Variants in NRM observed in about 807,000 individuals in gnomAD.
NRM encodes the protein nuclear rim protein.
NRM carries 19 observed loss-of-function variants against 23.4 expected under a neutral mutation model. That is an observed-to-expected ratio of 0.81 (90% confidence interval 0.57 to 1.19). The LOEUF (loss-of-function observed/expected upper bound fraction) is 1.19. Ranked by LOEUF, NRM falls within the 50% of genes most tolerant of loss-of-function variation. The pLI is 0.00. For synonymous variants in NRM, 140 were observed against 143.5 expected (o/e 0.98, Z 0.17); for missense variants, 232 against 329.7 (o/e 0.70, Z 2.30).
rs934067901 is a variant in NRM, at chr6:30,689,100, T to G, written c.508-158A>C. Among the ~76,000 whole-genome samples, 2 of 152,148 alleles carry G rather than the reference T, an allele frequency of 1.3e-5. No individual in the cohort carries two copies. Among genetic ancestry groups the G allele is most frequent in the Admixed American group, 1.3e-4 (2 of 15,268 alleles). On this transcript the variant is annotated intron_variant, in intron 3 of 3. Coordinates refer to ENST00000376421, the MANE Select transcript of NRM (RefSeq NM_001384369.1). The surrounding 1 kb of genome is among the most constrained non-coding windows in gnomAD (Gnocchi z 4.7). Reference sequence around the variant, plus strand: ...GATCCTGACTTCTGATCCATGTACCTTCCCCAGGCCCAGGAGGCCCATGCT... The same window carrying G: ...GATCCTGACTTCTGATCCATGTACCGTCCCCAGGCCCAGGAGGCCCATGCT...
chr6:30,689,924 T>A lies in NRM; in HGVS notation c.330+123A>T, dbSNP rs1771414876. ...GTGGAGGAATGGAAGCTGAGATTAGTTCCTCAATTCTCCTCCTGAACCCAT... is the reference window on the plus strand; with the variant it reads ...GTGGAGGAATGGAAGCTGAGATTAGATCCTCAATTCTCCTCCTGAACCCAT... On this transcript the variant is annotated intron_variant, in intron 2 of 3. Transcript: ENST00000376421. This position sits in a 1 kb window ranked among gnomAD's most constrained non-coding sequence, Gnocchi z 4.7. 2.3e-6 allele frequency: 2 copies of A among 871,492 alleles called. No individual in the cohort carries two copies. Among genetic ancestry groups the A allele is most frequent in the Admixed American group, 3.0e-5 (1 of 33,586 alleles). 54.0% of individuals were successfully genotyped at this position (871,492 alleles called of 1,614,324 possible).
chr6:30,689,151 AG>A lies in NRM; in HGVS notation c.507+124del. ...TGCTGCCCTTACGAGGGAAAGTCAA[AG>A]GGAAGGGCCACGAGGGAGAAGCAGG... On this transcript the variant is annotated intron_variant, in intron 3 of 3. Transcript: ENST00000376421. The surrounding 1 kb of genome is among the most constrained non-coding windows in gnomAD (Gnocchi z 4.7). 1.7e-6 allele frequency: 2 copies of A among 1,150,014 alleles called. No homozygotes were observed. The highest frequency in any genetic ancestry group is 5.5e-5 in the Admixed American group (2 of 36,366). 71.2% of individuals were successfully genotyped at this position (1,150,014 alleles called of 1,614,324 possible). A position where few individuals can be genotyped will look rare whatever the true frequency, so the allele number is the denominator to read the frequency against.
In NRM at chr6:30,690,071, C is replaced by T. The variant is rs762491263; in HGVS notation, c.306G>A (p.Val102=). 2 of 1,612,102 alleles carry T rather than the reference C, an allele frequency of 1.2e-6. No homozygotes were observed. The change falls in exon 2 of 4, where the codon GTG becomes GTA. Residue 102 remains valine, a synonymous_variant. Coordinates refer to ENST00000376421, the MANE Select transcript of NRM (RefSeq NM_001384369.1). This position sits in a 1 kb window ranked among gnomAD's most constrained non-coding sequence, Gnocchi z 5.5. ...CCTGCAAGGCCAGGGCAGTGCAGGC[C>T]ACATACAGTGACCTCTGAAGGACCC... is the stretch of plus-strand genomic sequence containing the variant. ...YFGVLQRSLY[V]ACTALALQLV... is the part of the protein sequence containing the mutation.
At position 30,688,543 on chromosome 6, in the gene NRM, G is replaced by A; in HGVS notation, c.*118C>T. On this transcript the variant is annotated 3_prime_UTR_variant, in exon 4 of 4. Transcript: ENST00000376421. This position sits in a 1 kb window ranked among gnomAD's most constrained non-coding sequence, Gnocchi z 5.9. ...GAATAAAGTCTCAAGTAGTAGAAGG[G>A]GCATCTCCTTCAGTCCATGGATTTG... 1.8e-6 allele frequency: 2 copies of A among 1,126,492 alleles called. No homozygotes were observed. The highest frequency in any genetic ancestry group is 2.6e-6 in the Non-Finnish European group (2 of 780,464). The allele number at this position is 1,126,492 out of a possible 1,614,324, so 69.8% of individuals were successfully genotyped here.
upstream of NRM, chr6:30,691,314 T>C: frequency 3.7e-6 from 1 of 272,460 alleles, no homozygotes. Context: ...TACCACAAAA[T>C]AAATTAATGT....
Position 30,688,348 on chromosome 6 carries a change from G to C in NRM, c.*313C>G. Reference sequence around the variant, plus strand: ...GGCAAGTAACAGTGCCAGGGGAGTGGTCAGGGCAGATCCTTTCCTTCTCAG... The same window carrying C: ...GGCAAGTAACAGTGCCAGGGGAGTGCTCAGGGCAGATCCTTTCCTTCTCAG... On this transcript the variant is annotated 3_prime_UTR_variant, in exon 4 of 4. Transcript: ENST00000376421. This position sits in a 1 kb window ranked among gnomAD's most constrained non-coding sequence, Gnocchi z 5.9. 2 of 451,124 alleles carry C rather than the reference G, an allele frequency of 4.4e-6. No homozygotes were observed. The highest frequency in any genetic ancestry group is 8.0e-6 in the Non-Finnish European group (2 of 249,372). The allele number at this position is 451,124 out of a possible 1,614,324, so 27.9% of individuals were successfully genotyped here.
At position 30,689,716 on chromosome 6, in the gene NRM, C is replaced by G. The variant is rs1197499065; in HGVS notation, c.331-264G>C. Among the ~76,000 whole-genome samples, 1 of 152,172 alleles carries G rather than the reference C, an allele frequency of 6.6e-6. No homozygotes were observed. The highest frequency in any genetic ancestry group is 1.5e-5 in the Non-Finnish European group (1 of 68,044). On this transcript the variant is annotated intron_variant, in intron 2 of 3. Transcript: ENST00000376421. This position sits in a 1 kb window ranked among gnomAD's most constrained non-coding sequence, Gnocchi z 4.7. ...ACGCAAAGTAGTAGCCTGTGCCAAC[C>G]ACCCAGTGAAAAGACAGACAAGGCC...
At position 30,688,592 on chromosome 6, in the gene NRM, G is replaced by C; in HGVS notation, c.*69C>G. 1 of 1,549,308 alleles carries C rather than the reference G, an allele frequency of 6.5e-7. No homozygotes were observed. The highest frequency in any genetic ancestry group is 1.9e-4 in the Middle Eastern group (1 of 5,148). On this transcript the variant is annotated 3_prime_UTR_variant, in exon 4 of 4. Coordinates refer to ENST00000376421, the MANE Select transcript of NRM (RefSeq NM_001384369.1). This position sits in a 1 kb window ranked among gnomAD's most constrained non-coding sequence, Gnocchi z 5.9. ...TGGGCCTCTGGCATGAAGCAGCCAG[G>C]GCCTGGATGTTAAGGATTTAGAATT...
In NRM at chr6:30,690,518, TCTTA is replaced by T. The variant is rs932637166; in HGVS notation, c.134-279_134-276del. ...TGGAGAGGCCACGCTGGATTGCCCC[TCTTA>T]CTTCGGTTCTCCAAATGCTCCTTCT... On this transcript the variant is annotated intron_variant, in intron 1 of 3. Transcript: ENST00000376421. The surrounding 1 kb of genome is among the most constrained non-coding windows in gnomAD (Gnocchi z 5.5). The T allele has an allele frequency of 6.7e-5, 103 of 1,530,304 alleles. No homozygotes were observed. Among genetic ancestry groups the T allele is most frequent in the Admixed American group, 4.4e-4 (22 of 50,198 alleles). The allele number at this position is 1,530,304 out of a possible 1,614,324, so 94.8% of individuals were successfully genotyped here.
Position 30,690,270 on chromosome 6 carries a change from C to T in NRM, c.134-27G>A. The T allele has an allele frequency of 1.3e-6, 2 of 1,549,236 alleles. No individual in the cohort carries two copies. The highest frequency in any genetic ancestry group is 2.4e-5 in the South Asian group (2 of 82,534). On this transcript the variant is annotated intron_variant, in intron 1 of 3. Coordinates refer to ENST00000376421, the MANE Select transcript of NRM (RefSeq NM_001384369.1). This position sits in a 1 kb window ranked among gnomAD's most constrained non-coding sequence, Gnocchi z 5.5. ...TACAGGAAGTTGAGGGAAAAAGAGA[C>T]AAAAGATCGAAACAGTGGCAGAATG...
Position 30,689,135 on chromosome 6 carries a change from T to C in NRM, c.507+141A>G, listed in dbSNP as rs1278763362. ...CCAGGAGGCCCATGCTTGCTGCCCT[T>C]ACGAGGGAAAGTCAAAGGGAAGGGC... On this transcript the variant is annotated intron_variant, in intron 3 of 3. Coordinates refer to ENST00000376421, the MANE Select transcript of NRM (RefSeq NM_001384369.1). This position sits in a 1 kb window ranked among gnomAD's most constrained non-coding sequence, Gnocchi z 4.7. The C allele has an allele frequency of 2.8e-6, 3 of 1,088,540 alleles. No homozygotes were observed. In the African/African-American group the frequency reaches 4.8e-5, roughly 17 times the overall value. The allele number at this position is 1,088,540 out of a possible 1,614,324, so 67.4% of individuals were successfully genotyped here. A position where few individuals can be genotyped will look rare whatever the true frequency, so the allele number is the denominator to read the frequency against.
rs958805387 is a variant in NRM, at chr6:30,688,882, T to C, written c.568A>G (p.Arg190Gly). The C allele has an allele frequency of 1.9e-6, 3 of 1,613,802 alleles. No homozygotes were observed. Among genetic ancestry groups the C allele is most frequent in the African/African-American group, 1.3e-5 (1 of 74,958 alleles). ...PLALKSPRAL[R>G]LFSHLRHPVC... ...GGGTGGCGCAGGTGGGAGAAGAGTCTGAGAGCCCGGGGAGACTTCAGGGCC... is the reference window on the plus strand; with the variant it reads ...GGGTGGCGCAGGTGGGAGAAGAGTCCGAGAGCCCGGGGAGACTTCAGGGCC... The change falls in exon 4 of 4, where the codon AGA (arginine) becomes GGA (glycine). Residue 190 changes from arginine to glycine, a missense_variant. Coordinates refer to ENST00000376421, the MANE Select transcript of NRM (RefSeq NM_001384369.1). This position sits in a 1 kb window ranked among gnomAD's most constrained non-coding sequence, Gnocchi z 5.9.
In NRM at chr6:30,688,988, C is replaced by A. The variant is rs775599559; in HGVS notation, c.508-46G>T. On this transcript the variant is annotated intron_variant, in intron 3 of 3. Coordinates refer to ENST00000376421, the MANE Select transcript of NRM (RefSeq NM_001384369.1). The surrounding 1 kb of genome is among the most constrained non-coding windows in gnomAD (Gnocchi z 5.9). ...TAGAAATGGAGTCAAGCCCTTTTCT[C>A]ATCTTGGGCACTTCTTTCCTCCTCT... 6.4e-7 allele frequency: 1 copy of A among 1,563,744 alleles called. No individual in the cohort carries two copies. The highest frequency in any genetic ancestry group is 8.7e-7 in the Non-Finnish European group (1 of 1,153,426).
rs1168218100 is a variant in NRM, at chr6:30,689,477, A to G, written c.331-25T>C. ...GCTGTGGAAGGATAAGGGGCTGGGT[A>G]TCCCAGTGGCCTAGTCTGCCCGACC... On this transcript the variant is annotated intron_variant, in intron 2 of 3. Coordinates refer to ENST00000376421, the MANE Select transcript of NRM (RefSeq NM_001384369.1). The surrounding 1 kb of genome is among the most constrained non-coding windows in gnomAD (Gnocchi z 4.7). The G allele has an allele frequency of 6.5e-7, 1 of 1,547,332 alleles. No homozygotes were observed. The highest frequency in any genetic ancestry group is 8.7e-7 in the Non-Finnish European group (1 of 1,146,056).
chr6:30,690,692 C>G lies in NRM; in HGVS notation c.133+150G>C, dbSNP rs1195860217. 2 of 1,610,196 alleles carry G rather than the reference C, an allele frequency of 1.2e-6. No individual in the cohort carries two copies. Among genetic ancestry groups the G allele is most frequent in the Admixed American group, 3.3e-5 (2 of 59,894 alleles). ...TGAGTTCCTAATTTAGAACTCAGGT[C>G]TCCCTCCCCTGTAGCTTCTCGGCCG... is the stretch of plus-strand genomic sequence containing the variant. On this transcript the variant is annotated intron_variant, in intron 1 of 3. Coordinates refer to ENST00000376421, the MANE Select transcript of NRM (RefSeq NM_001384369.1). The surrounding 1 kb of genome is among the most constrained non-coding windows in gnomAD (Gnocchi z 5.5).
At position 30,689,171 on chromosome 6, in the gene NRM, A is replaced by T; in HGVS notation, c.507+105T>A. On this transcript the variant is annotated intron_variant, in intron 3 of 3. Transcript: ENST00000376421. This position sits in a 1 kb window ranked among gnomAD's most constrained non-coding sequence, Gnocchi z 4.7. ...GTCAAAGGGAAGGGCCACGAGGGAG[A>T]AGCAGGGAGACAGTAGAAGAGCATG... 1 of 1,229,190 alleles carries T rather than the reference A, an allele frequency of 8.1e-7. No homozygotes were observed. Among genetic ancestry groups the T allele is most frequent in the Non-Finnish European group, 1.1e-6 (1 of 894,834 alleles). The allele number at this position is 1,229,190 out of a possible 1,614,324, so 76.1% of individuals were successfully genotyped here. A position where few individuals can be genotyped will look rare whatever the true frequency, so the allele number is the denominator to read the frequency against.
rs1313544409 is a variant in NRM at position 30,689,054 on chromosome 6, C to T, written c.508-112G>A. The T allele has an allele frequency of 2.4e-6, 3 of 1,239,120 alleles. No individual in the cohort carries two copies. The highest frequency in any genetic ancestry group is 3.0e-5 in the African/African-American group (2 of 66,046). 76.8% of individuals were successfully genotyped at this position (1,239,120 alleles called of 1,614,324 possible). ...TCTAGAACTCAGGCCCAGGAACCCCCCTTCTGAGACTTGGATCCCTGATCC... is the reference window on the plus strand; with the variant it reads ...TCTAGAACTCAGGCCCAGGAACCCCTCTTCTGAGACTTGGATCCCTGATCC... On this transcript the variant is annotated intron_variant, in intron 3 of 3. Coordinates refer to ENST00000376421, the MANE Select transcript of NRM (RefSeq NM_001384369.1). This position sits in a 1 kb window ranked among gnomAD's most constrained non-coding sequence, Gnocchi z 4.7.
chr6:30,690,248 A>C lies in NRM; in HGVS notation c.134-5T>G. 1 of 1,566,314 alleles carries C rather than the reference A, an allele frequency of 6.4e-7. No individual in the cohort carries two copies. ...CCAGCCATCCCTGGCGGGCATCTAC[A>C]GGAAGTTGAGGGAAAAAGAGACAAA... On this transcript the variant is annotated splice_polypyrimidine_tract_variant and splice_region_variant and intron_variant, in intron 1 of 3. Transcript: ENST00000376421. This position sits in a 1 kb window ranked among gnomAD's most constrained non-coding sequence, Gnocchi z 5.5.
In NRM at chr6:30,689,499, G is replaced by A. The variant is rs780056754; in HGVS notation, c.331-47C>T. The A allele has an allele frequency of 1.1e-5, 17 of 1,496,560 alleles. No individual in the cohort carries two copies. The highest frequency in any genetic ancestry group is 3.9e-5 in the South Asian group (3 of 76,692). The allele number at this position is 1,496,560 out of a possible 1,614,324, so 92.7% of individuals were successfully genotyped here. On this transcript the variant is annotated intron_variant, in intron 2 of 3. Coordinates refer to ENST00000376421, the MANE Select transcript of NRM (RefSeq NM_001384369.1). This position sits in a 1 kb window ranked among gnomAD's most constrained non-coding sequence, Gnocchi z 4.7. ...GGTATCCCAGTGGCCTAGTCTGCCC[G>A]ACCTTGGGAGACCCAGACCCAGATC...
Sources: allele counts gnomAD v4.1 joint callset (sites outside exome capture counted in the v4.1 genomes callset), GRCh38; gene constraint gnomAD v4.1.1; non-coding constraint Gnocchi (gnomAD v3.1); transcripts MANE v1.5; gene names NCBI Gene and HGNC (gene_info 2026-07-23, HGNC 2026-07-21).